Variants in TADA2B observed in about 807,000 individuals in gnomAD.
The protein encoded by TADA2B is transcriptional adaptor 2B.
A neutral mutation model predicts 34.5 loss-of-function variants in TADA2B; 13 were observed. The observed-to-expected ratio is 0.38, with a 90% CI of 0.25 to 0.60. The LOEUF (loss-of-function observed/expected upper bound fraction) is 0.60, where lower values mean the gene tolerates loss of function less well. TADA2B is among the 20% of genes least tolerant of loss of function. The pLI, the probability that TADA2B is intolerant of heterozygous loss-of-function variation, is 0.65. For missense variants in TADA2B, 442 were observed against 575.0 expected, an observed-to-expected ratio of 0.77 and a Z score of 2.37; for synonymous variants, 240 against 243.4, an observed-to-expected ratio of 0.99 and a Z score of 0.13.
At position 7,054,057 on chromosome 4, in the gene TADA2B, C is replaced by T. The variant is rs200267522; in HGVS notation, c.271-5C>T. Reference sequence around the variant, plus strand: ...GGAACTAACTTCTGCCCTTTGTCATCGTAGGAAGATATGGCTGCCCACGTT... The same window carrying T: ...GGAACTAACTTCTGCCCTTTGTCATTGTAGGAAGATATGGCTGCCCACGTT... On this transcript the variant is annotated splice_region_variant and splice_polypyrimidine_tract_variant and intron_variant, in intron 1 of 1. Coordinates refer to ENST00000310074, the MANE Select transcript of TADA2B (RefSeq NM_152293.3). 66 of 1,562,942 alleles carry T rather than the reference C, an allele frequency of 4.2e-5. No homozygotes were observed. Among genetic ancestry groups the T allele is most frequent in the Non-Finnish European group, 5.0e-5 (57 of 1,150,296 alleles).
intron 1 of TADA2B, among the ~76,000 whole-genome samples, chr4:7,047,682 G>A (rs1233353377): frequency 2.0e-5 from 3 of 152,382 alleles, no homozygotes; most frequent in African/African-American, 4.8e-5. Flanking sequence ...GATGTCCTGC[G>A]GAGGGAAGGA....
chr4:7,047,460 G>T (rs1383195556), intron 1 of TADA2B, among the ~76,000 whole-genome samples: 2 of 152,252 alleles, frequency 1.3e-5, no homozygotes, highest in African/African-American at 4.8e-5. Flanking sequence ...GAGTAGAGCT[G>T]CACCCTTTGA....
chr4:7,053,998 T>A, intron 1 of TADA2B, 64 bp from the exon 2 acceptor site: 1 of 1,477,986 alleles, frequency 6.8e-7, no homozygotes, highest in Non-Finnish European at 9.0e-7. Context: ...GTGAAGAGAA[T>A]CTGTGCGGAA....
rs1234476118 is a variant in TADA2B, at chr4:7,054,240, C to T, written c.449C>T (p.Pro150Leu). ...CCCCTCTCACCCAGCCTCACCACCC[C>T]GCTGCCCCCGCTGGACATCTCTGTG... ...GGPLSPSLTT[P>L]LPPLDISVAE... The change falls in exon 2 of 2, where the codon CCG becomes CTG. Residue 150 changes from proline (P) to leucine (L), a missense_variant. Around this residue, in one of 4 missense-constraint regions of TADA2B, gnomAD observed 222 missense variants for 235.2 expected, o/e 0.94. Transcript: ENST00000310074. The T allele has an allele frequency of 6.2e-6, 10 of 1,608,852 alleles. No individual in the cohort carries two copies. The highest frequency in any genetic ancestry group is 2.7e-5 in the African/African-American group (2 of 74,774).
chr4:7,043,964 G>A, intron 1 of TADA2B, 115 bp downstream of exon 1: 4 of 1,284,396 alleles, frequency 3.1e-6, no homozygotes, highest in Non-Finnish European at 4.0e-6. Context: ...CACCCCAGAA[G>A]GCCCCGGAGG....
intron 1 of TADA2B, chr4:7,045,605 C>T (rs977738660): frequency 6.6e-6 from 1 of 152,272 alleles, no homozygotes; most frequent in East Asian, 1.9e-4. Flanking sequence ...TTGAGCTTTC[C>T]ACTTAAATAT....
At chr4:7,052,465 G>C (rs1032385766) in intron 1 of TADA2B, among the ~76,000 whole-genome samples, 4 of 152,274 alleles carry the variant, frequency 2.6e-5, no homozygotes, top group Non-Finnish European at 5.9e-5. Flanking sequence ...AAGAGCATGA[G>C]TTCCTGGTGG....
chr4:7,043,691 G>T lies in TADA2B; in HGVS notation c.112G>T (p.Ala38Ser), dbSNP rs1723543540. ...DIELCPECFS[A>S]GAEIGHHRRY... ...CGAGCTGTGCCCCGAGTGCTTCTCGGCCGGCGCCGAGATCGGCCACCACCG... is the reference window on the plus strand; with the variant it reads ...CGAGCTGTGCCCCGAGTGCTTCTCGTCCGGCGCCGAGATCGGCCACCACCG... The change falls in exon 1 of 2, where the codon GCC (alanine) becomes TCC (serine). Residue 38 changes from alanine to serine, a missense_variant. This residue lies in a region of TADA2B where 102 missense variants were observed against 177.2 expected (regional missense o/e 0.58). Coordinates refer to ENST00000310074, the MANE Select transcript of TADA2B (RefSeq NM_152293.3). 6.3e-7 allele frequency: 1 copy of T among 1,586,622 alleles called. No homozygotes were observed. The highest frequency in any genetic ancestry group is 8.5e-7 in the Non-Finnish European group (1 of 1,170,444).
At chr4:7,046,733 A>G (rs1723641207) in intron 1 of TADA2B, among the ~76,000 whole-genome samples, 1 of 152,180 alleles carries the variant, frequency 6.6e-6, no homozygotes. Flanking sequence ...GGCTGGCGAC[A>G]GTGATGTGAC....
At chr4:7,051,749 C>T (rs1723774336) in intron 1 of TADA2B, among the ~76,000 whole-genome samples, 1 of 152,188 alleles carries the variant, frequency 6.6e-6, no homozygotes, top group African/African-American at 2.4e-5. Flanking sequence ...AGGCGCCCGC[C>T]ACCACGCCTG....
chr4:7,044,247 A>G (rs1723562093), intron 1 of TADA2B, among the ~76,000 whole-genome samples: 1 of 151,500 alleles, frequency 6.6e-6, no homozygotes, highest in African/African-American at 2.4e-5. Flanking sequence ...GCACCAGGGA[A>G]GGAGAGCGGT....
chr4:7,046,046 G>A (rs1337642149), intron 1 of TADA2B: 9 of 152,256 alleles, frequency 5.9e-5, no homozygotes, highest in African/African-American at 1.9e-4. Flanking sequence ...TGCACAGCGA[G>A]CCTGGCCAGG....
intron 1 of TADA2B, among the ~76,000 whole-genome samples, chr4:7,051,324 A>G (rs1723762916): frequency 6.7e-6 from 1 of 149,206 alleles, no homozygotes; most frequent in Non-Finnish European, 1.5e-5. Flanking sequence ...CTGCCCTACC[A>G]GGTGGACCCC....
rs963844224 is a variant in TADA2B at position 7,054,795 on chromosome 4, A to G, written c.1004A>G (p.Lys335Arg). ...TCCAAACGGGGAAAGGAGGACGGCA[A>G]AGACAGCGAGTTCGCCGCCATTGAG... is the stretch of plus-strand genomic sequence containing the variant. ...AGSKRGKEDG[K>R]DSEFAAIENL... Residue 335 changes from lysine (K) to arginine (R), a missense_variant, in exon 2 of 2, where the codon AAA (lysine) becomes AGA (arginine). By Grantham distance (26) the Lys-to-Arg change is conservative (BLOSUM62 2). Coordinates refer to ENST00000310074, the MANE Select transcript of TADA2B (RefSeq NM_152293.3). The G allele has an allele frequency of 1.2e-6, 2 of 1,613,940 alleles. No individual in the cohort carries two copies. Among genetic ancestry groups the G allele is most frequent in the Admixed American group, 1.7e-5 (1 of 60,018 alleles).
At chr4:7,054,028 T>A in intron 1 of TADA2B, 34 bp from the exon 2 acceptor site, 1 of 1,524,310 alleles carries the variant, frequency 6.6e-7, no homozygotes, top group Non-Finnish European at 8.8e-7. Flanking sequence ...GGCACCCTGA[T>A]GGTGGAACTA....
At chr4:7,047,942 A>G (rs963474163) in intron 1 of TADA2B, among the ~76,000 whole-genome samples, 2 of 152,180 alleles carry the variant, frequency 1.3e-5, no homozygotes, top group African/African-American at 4.8e-5. Flanking sequence ...CCGTCCCCTA[A>G]TCCCTGAGAC....
At chr4:7,052,284 T>C (rs7699619) in intron 1 of TADA2B, among the ~76,000 whole-genome samples, 147,243 of 152,362 alleles carry the variant, frequency 0.97, 71,183 homozygotes, top group East Asian at 1. Context: ...GAAATTCCCA[T>C]CTTCCAGGCA....
In TADA2B at chr4:7,054,064, A is replaced by T. The variant is rs1723831024; in HGVS notation, c.273A>T (p.Glu91Asp). Residue 91 changes from glutamate (E) to aspartate (D), a missense_variant and splice_region_variant, in exon 2 of 2, where the codon GAA becomes GAT. By Grantham distance (45) the Glu-to-Asp change is conservative. Transcript: ENST00000310074. ...AIEQFGFGNW[E>D]DMAAHVGASR... Reference sequence around the variant, plus strand: ...ACTTCTGCCCTTTGTCATCGTAGGAAGATATGGCTGCCCACGTTGGTGCTT... The same window carrying T: ...ACTTCTGCCCTTTGTCATCGTAGGATGATATGGCTGCCCACGTTGGTGCTT... The T allele has an allele frequency of 6.4e-7, 1 of 1,573,396 alleles. No individual in the cohort carries two copies.
At chr4:7,046,767 T>C (rs1015990870) in intron 1 of TADA2B, among the ~76,000 whole-genome samples, 2 of 152,222 alleles carry the variant, frequency 1.3e-5, no homozygotes, top group African/African-American at 4.8e-5. Context: ...TGTTGAGTTC[T>C]ACTTTCAGAT....
Sources: gnomAD v4.1 joint callset for allele counts (sites outside exome capture counted in the v4.1 genomes callset) on GRCh38, gnomAD v4.1.1 for gene constraint, gnomAD v4.1.1 regional missense constraint, MANE v1.5 for transcripts, NCBI Gene and HGNC (gene_info 2026-07-23, HGNC 2026-07-21) for gene names.